PRIM2: variants seen among roughly 807,000 people sequenced by gnomAD.
PRIM2 encodes the protein DNA primase large subunit.
In PRIM2, 39 loss-of-function variants were observed where a neutral mutation model predicts 67.3. That is an observed-to-expected ratio of 0.58 (90% CI 0.45 to 0.76). PRIM2 has a LOEUF of 0.76. PRIM2 is among the 30% of genes least tolerant of loss of function. PRIM2 has a pLI of 0.00. For synonymous variants in PRIM2, 143 were observed against 198.7 expected, an observed-to-expected ratio of 0.72 and a Z score of 2.36; for missense variants, 398 against 598.7, an observed-to-expected ratio of 0.66 and a Z score of 3.50.
chr6:57,258,142 C>T, the PRIM2 span, among the ~76,000 whole-genome samples: 2 of 152,140 alleles, frequency 1.3e-5, no homozygotes, highest in African/African-American at 2.4e-5. Context: ...ACAAGACATT[C>T]GACTGTGAGT....
intron 7 of PRIM2, among the ~76,000 whole-genome samples, chr6:57,406,368 A>G (rs1202139539): frequency 6.6e-6 from 1 of 152,150 alleles, no homozygotes; most frequent in African/African-American, 2.4e-5. Flanking sequence ...TTAATTGCAC[A>G]TATACGTTTA....
At chr6:57,621,840 T>C (rs1411657188) in intron 12 of PRIM2, among the ~76,000 whole-genome samples, 3 of 152,256 alleles carry the variant, frequency 2.0e-5, no homozygotes, top group Non-Finnish European at 4.4e-5. Context: ...CCTGAAGGAT[T>C]TACTCTAGCA....
At chr6:57,397,429 G>A (rs75647598) in intron 7 of PRIM2, among the ~76,000 whole-genome samples, 2 of 151,952 alleles carry the variant, frequency 1.3e-5, no homozygotes, top group Non-Finnish European at 2.9e-5. Context: ...TCAAGCTCTG[G>A]TTTTCTTTCT....
chr6:57,403,423 A>AT (rs61401597), intron 7 of PRIM2, among the ~76,000 whole-genome samples: 168 of 138,320 alleles, frequency 1.2e-3, no homozygotes, highest in Middle Eastern at 3.6e-3. Flanking sequence ...CACCCGGCTA[A>AT]TTTTTTTTTT....
intron 7 of PRIM2, among the ~76,000 whole-genome samples, chr6:57,395,178 T>C (rs1308525042): frequency 1.3e-5 from 2 of 152,256 alleles, no homozygotes; most frequent in Non-Finnish European, 2.9e-5. Flanking sequence ...TGGTTTCATA[T>C]AATGAATTAG....
At chr6:57,419,004 T>C (rs1771374235) in intron 7 of PRIM2, among the ~76,000 whole-genome samples, 2 of 152,218 alleles carry the variant, frequency 1.3e-5, no homozygotes, top group Admixed American at 1.3e-4. Flanking sequence ...GCTTTCTGTA[T>C]TTACTTTTAC....
chr6:57,453,957 T>A (rs1018279345), intron 7 of PRIM2, among the ~76,000 whole-genome samples: 1 of 152,206 alleles, frequency 6.6e-6, no homozygotes, highest in Non-Finnish European at 1.5e-5. Flanking sequence ...TTGAGATACA[T>A]CCCATCAGTA....
the PRIM2 span, among the ~76,000 whole-genome samples, chr6:57,270,200 G>T: frequency 1.3e-5 from 2 of 151,918 alleles, no homozygotes; most frequent in African/African-American, 2.4e-5. Flanking sequence ...GGATGGCATT[G>T]AATCTATAAA....
At chr6:57,548,765 A>G (rs1775340462) in intron 10 of PRIM2, among the ~76,000 whole-genome samples, 1 of 152,204 alleles carries the variant, frequency 6.6e-6, no homozygotes, top group South Asian at 2.1e-4. Context: ...AGTGTTTAAA[A>G]GTAGAAAGAA....
intron 5 of PRIM2, among the ~76,000 whole-genome samples, chr6:57,343,439 A>G (rs1156684372): frequency 6.6e-6 from 1 of 152,206 alleles, no homozygotes; most frequent in Admixed American, 6.5e-5. Context: ...TGCCTGCAAA[A>G]TAGAGAGCTG....
At chr6:57,402,610 A>G (rs1332654169) in intron 7 of PRIM2, among the ~76,000 whole-genome samples, 7 of 152,224 alleles carry the variant, frequency 4.6e-5, no homozygotes, top group African/African-American at 1.7e-4. Flanking sequence ...TAGGTGCTGG[A>G]AAGTATAACT....
At chr6:57,356,272 A>T (rs2127306931) in intron 5 of PRIM2, among the ~76,000 whole-genome samples, 1 of 152,322 alleles carries the variant, frequency 6.6e-6, no homozygotes, top group African/African-American at 2.4e-5. Flanking sequence ...ATATAATAGT[A>T]TTACCTCATA....
chr6:57,382,086 A>G lies in PRIM2; in HGVS notation c.611A>G (p.Asp204Gly), dbSNP rs6913546. Reference protein sequence around the residue: ...LFRGRKVYLEDGFAYVPLKDI... With the variant: ...LFRGRKVYLEGGFAYVPLKDI... ...CGAGGAAGGAAAGTCTATTTGGAAG[A>G]TGGCTTTGCTTACGTACCACTTAAG... The change falls in exon 7 of 14, where the codon GAT becomes GGT. Residue 204 changes from aspartate to glycine, a missense_variant. Asp to Gly is a moderately conservative substitution (Grantham distance 94, BLOSUM62 -1). Around this residue, in one of 4 missense-constraint regions of PRIM2, gnomAD observed 229 missense variants for 383.6 expected, o/e 0.60. Transcript: ENST00000615550. The G allele has an allele frequency of 6.8e-6, 11 of 1,613,146 alleles. No individual in the cohort carries two copies. Among genetic ancestry groups the G allele is most frequent in the Non-Finnish European group, 9.3e-6 (11 of 1,179,470 alleles).
chr6:57,467,036 C>T (rs1193111173), intron 7 of PRIM2, among the ~76,000 whole-genome samples: 2 of 138,430 alleles, frequency 1.4e-5, no homozygotes, highest in Admixed American at 8.2e-5. Flanking sequence ...ACCTGGGAAG[C>T]GGAGGTTGCA....
intron 10 of PRIM2, among the ~76,000 whole-genome samples, chr6:57,575,182 T>C (rs1775941548): frequency 1.3e-5 from 2 of 152,164 alleles, no homozygotes; most frequent in Non-Finnish European, 2.9e-5. Flanking sequence ...GCCTTATAGA[T>C]AGAAATCAGG....
chr6:57,340,553 G>A (rs183391848), intron 5 of PRIM2, among the ~76,000 whole-genome samples: 5 of 152,290 alleles, frequency 3.3e-5, no homozygotes, highest in Admixed American at 2.6e-4. Context: ...CATGTCCTTT[G>A]TAGGGACATG....
intron 7 of PRIM2, among the ~76,000 whole-genome samples, chr6:57,438,121 A>T (rs914212680): frequency 6.6e-6 from 1 of 152,200 alleles, no homozygotes; most frequent in Non-Finnish European, 1.5e-5. Context: ...TCTTTTGTTT[A>T]AAAGAATCAA....
chr6:57,634,723 T>A (rs1340209256), intron 13 of PRIM2, among the ~76,000 whole-genome samples: 2 of 152,252 alleles, frequency 1.3e-5, no homozygotes, highest in African/African-American at 4.8e-5. Flanking sequence ...TGGTTTTTAT[T>A]TCTCAAATCT....
chr6:57,628,856 A>G (rs1412195216), intron 12 of PRIM2, among the ~76,000 whole-genome samples: 1 of 152,158 alleles, frequency 6.6e-6, no homozygotes, highest in East Asian at 1.9e-4. Flanking sequence ...TCCATGGTGC[A>G]TAAGTATCTT....
Sources: allele counts gnomAD v4.1 joint callset (sites outside exome capture counted in the v4.1 genomes callset), GRCh38; gene constraint gnomAD v4.1.1; regional missense constraint gnomAD v4.1.1; transcripts MANE v1.5; gene names NCBI Gene and HGNC (gene_info 2026-07-23, HGNC 2026-07-21).